KIR2DL3: variants seen among roughly 807,000 people sequenced by gnomAD.
KIR2DL3 encodes killer cell immunoglobulin like receptor, two Ig domains and long cytoplasmic tail 3, also known as killer cell immunoglobulin-like receptor 2DL3.
Under a neutral mutation model 33.8 loss-of-function variants are expected in KIR2DL3, and 39 were observed. That is an observed-to-expected ratio of 1.15 (90% CI 0.89 to 1.51). KIR2DL3 has a LOEUF of 1.51. KIR2DL3 is among the 40% of genes most tolerant of loss of function. The pLI, the probability that KIR2DL3 is intolerant of heterozygous loss-of-function variation, is 0.00. For synonymous variants in KIR2DL3, 174 were observed against 160.2 expected (o/e 1.09, Z -0.65); for missense variants, 462 against 426.2 (o/e 1.08, Z -0.74).
chr19:54,751,058 A>G lies in KIR2DL3; in HGVS notation c.716-591A>G, dbSNP rs183077844. ...CTAAAGGAACACTTGAGCCTGGGTAACTTCTAGAGAAAAGAGATTGGTTTG... is the reference window on the plus strand; with the variant it reads ...CTAAAGGAACACTTGAGCCTGGGTAGCTTCTAGAGAAAAGAGATTGGTTTG... On this transcript the variant is annotated intron_variant, in intron 5 of 7. Coordinates refer to ENST00000342376, the MANE Select transcript of KIR2DL3 (RefSeq NM_015868.3). Among the ~76,000 whole-genome samples the G allele has an allele frequency of 2.3e-5, 3 of 132,924 alleles. 1 individual carries two copies. The highest frequency in any genetic ancestry group is 8.5e-5 in the African/African-American group (3 of 35,206). The allele number at this position is 132,924 out of a possible 152,430, so 87.2% of individuals were successfully genotyped here.
At chr19:54,751,337 G>C (rs555312041) in intron 5 of KIR2DL3, among the ~76,000 whole-genome samples, 1 of 132,620 alleles carries the variant, frequency 7.5e-6, no homozygotes, top group East Asian at 2.0e-4. Context: ...GCATTGGTCT[G>C]TTCATGATGG....
chr19:54,740,894 C>G lies in KIR2DL3; in HGVS notation c.71-1086C>G, dbSNP rs1353244981. ...AGAGGGGAGTGGGGATTAGAGCAGT[C>G]CAGTGGAAGTCTTCACCAGCTTTGA... On this transcript the variant is annotated intron_variant, in intron 2 of 7. Transcript: ENST00000342376. Among the ~76,000 whole-genome samples, 17 of 147,566 alleles carry G rather than the reference C, an allele frequency of 1.2e-4. No homozygotes were observed. The Admixed American group carries it at 1.2e-3, about 10-fold the overall frequency.
intron 3 of KIR2DL3, among the ~76,000 whole-genome samples, chr19:54,743,104 T>C (rs1386740473): frequency 1.3e-5 from 2 of 151,124 alleles, no homozygotes; most frequent in Non-Finnish European, 2.9e-5. Flanking sequence ...TTGCAGAGAT[T>C]CCAAAGAGAA....
At chr19:54,740,417 G>T (rs1327860931) in intron 2 of KIR2DL3, among the ~76,000 whole-genome samples, 2 of 150,948 alleles carry the variant, frequency 1.3e-5, no homozygotes, top group African/African-American at 2.4e-5. Context: ...CTCTACAACA[G>T]AATATTCTGG....
At position 54,742,156 on chromosome 19, in the gene KIR2DL3, G is replaced by A; in HGVS notation, c.247G>A (p.Ala83Thr). The A allele has an allele frequency of 1.9e-6, 3 of 1,614,086 alleles. No individual in the cohort carries two copies. The highest frequency in any genetic ancestry group is 2.5e-6 in the Non-Finnish European group (3 of 1,180,004). Residue 83 changes from alanine (A) to threonine (T), a missense_variant, in exon 3 of 8, where the codon GCC becomes ACC. Ala to Thr is a moderately conservative substitution (Grantham distance 58, BLOSUM62 0). Transcript: ENST00000342376. ...IGEHHDGVSK[A>T]NFSIGPMMQD... ...AGAGCACCATGATGGGGTCTCCAAG[G>A]CCAACTTCTCCATCGGTCCCATGAT...
chr19:54,744,939 TA>T (rs2072138899), intron 4 of KIR2DL3, among the ~76,000 whole-genome samples: 12 of 23,772 alleles, frequency 5.0e-4, no homozygotes, highest in Admixed American at 1.9e-3. Context: ...TATATATATA[TA>T]TATATATATA....
At chr19:54,743,419 A>G (rs1377508611) in intron 3 of KIR2DL3, among the ~76,000 whole-genome samples, 1 of 152,234 alleles carries the variant, frequency 6.6e-6, no homozygotes, top group Non-Finnish European at 1.5e-5. Context: ...GAATTTGTAG[A>G]TAGGCACCGA....
chr19:54,746,164 T>C (rs1555909677), intron 4 of KIR2DL3, among the ~76,000 whole-genome samples: 4,532 of 104,246 alleles, frequency 0.043, 398 homozygotes, highest in African/African-American at 0.094. Context: ...TTTTAATTTG[T>C]GTTTCTCTGA....
intron 4 of KIR2DL3, among the ~76,000 whole-genome samples, chr19:54,745,534 T>TG (rs2072334838): frequency 6.6e-6 from 1 of 151,502 alleles, no homozygotes; most frequent in Non-Finnish European, 1.5e-5. Context: ...GGCTACTTTT[T>TG]GTTTTTTTTA....
chr19:54,743,251 A>AGAT (rs914278488), intron 3 of KIR2DL3, among the ~76,000 whole-genome samples: 1 of 152,190 alleles, frequency 6.6e-6, no homozygotes, highest in African/African-American at 2.4e-5. Context: ...TAATACATAG[A>AGAT]GATGATGATG....
chr19:54,744,146 C>G (rs1182538348), intron 4 of KIR2DL3, 58 bp downstream of exon 4: 3 of 1,602,030 alleles, frequency 1.9e-6, no homozygotes, highest in South Asian at 2.2e-5. Flanking sequence ...AGCTGAGGAG[C>G]TTCCTGCTGA....
intron 3 of KIR2DL3, among the ~76,000 whole-genome samples, chr19:54,743,014 A>G (rs2071475389): frequency 6.6e-6 from 1 of 151,924 alleles, no homozygotes; most frequent in Non-Finnish European, 1.5e-5. Flanking sequence ...GAATGATGGC[A>G]GGGAGCAGAG....
intron 2 of KIR2DL3, among the ~76,000 whole-genome samples, chr19:54,740,513 G>T (rs1279371548): frequency 1.3e-4 from 19 of 151,700 alleles, no homozygotes; most frequent in Non-Finnish European, 2.4e-4. Flanking sequence ...CCCAGTGGGT[G>T]GTCAGCACCC....
At chr19:54,749,403 G>A (rs1359913102) in intron 5 of KIR2DL3, among the ~76,000 whole-genome samples, 1 of 132,388 alleles carries the variant, frequency 7.6e-6, no homozygotes, top group East Asian at 2.0e-4. Context: ...GACACTAAAT[G>A]AATGAAGTAG....
Position 54,748,565 on chromosome 19 carries a change from TG to T in KIR2DL3, c.715+1182del, listed in dbSNP as rs1253677232. Reference sequence around the variant, plus strand: ...GGAGGGCAGAAAATGAATGCACAAGTGGATCTATAAATGAATGATCCATTGG... The same window carrying T: ...GGAGGGCAGAAAATGAATGCACAAGTGATCTATAAATGAATGATCCATTGG... On this transcript the variant is annotated intron_variant, in intron 5 of 7. Coordinates refer to ENST00000342376, the MANE Select transcript of KIR2DL3 (RefSeq NM_015868.3). 3.8e-4 allele frequency among the ~76,000 whole-genome samples: 56 copies of T among 148,788 alleles called. 1 individual carries two copies. The highest frequency in any genetic ancestry group is 1.3e-3 in the African/African-American group (53 of 40,550).
intron 5 of KIR2DL3, 143 bp from the exon 6 acceptor site, chr19:54,751,506 G>A (rs2073414556): frequency 1.4e-6 from 1 of 719,142 alleles, no homozygotes; most frequent in Non-Finnish European, 2.3e-6. Flanking sequence ...TGAGAAAGCA[G>A]GAGAAAGCTG....
intron 4 of KIR2DL3, among the ~76,000 whole-genome samples, chr19:54,745,571 C>T (rs1329729869): frequency 6.6e-6 from 1 of 151,060 alleles, no homozygotes; most frequent in Non-Finnish European, 1.5e-5. Context: ...CCCATGTTGG[C>T]TGGGCTGCTC....
intron 2 of KIR2DL3, among the ~76,000 whole-genome samples, chr19:54,741,724 G>C (rs1193631778): frequency 2.0e-5 from 3 of 151,350 alleles, no homozygotes; most frequent in Non-Finnish European, 2.9e-5. Flanking sequence ...GTGTGAAATA[G>C]ATACAACACC....
At chr19:54,741,710 A>G (rs201508432) in intron 2 of KIR2DL3, among the ~76,000 whole-genome samples, 13,085 of 117,594 alleles carry the variant, frequency 0.11, 2 homozygotes, top group South Asian at 0.18. Context: ...CAGGAAATAC[A>G]TTAGTGTGAA....
Sources: allele counts gnomAD v4.1 joint callset (sites outside exome capture counted in the v4.1 genomes callset), GRCh38; gene constraint gnomAD v4.1.1; transcripts MANE v1.5; gene names NCBI Gene and HGNC (gene_info 2026-07-23, HGNC 2026-07-21).